Variants in ZBBX observed in about 807,000 individuals in gnomAD.
The protein encoded by ZBBX is zinc finger B-box domain containing, also known as zinc finger B-box domain-containing protein 1.
A neutral mutation model predicts 108.5 loss-of-function variants in ZBBX; 101 were observed. The observed-to-expected ratio is 0.93, with a 90% CI of 0.79 to 1.10. The LOEUF (loss-of-function observed/expected upper bound fraction) is 1.10. Ranked by LOEUF, ZBBX falls within the 50% of genes least tolerant of loss-of-function variation. The pLI is 0.00. For synonymous variants in ZBBX, 356 were observed against 323.4 expected (o/e 1.10, Z -1.08); for missense variants, 1,009 against 941.4 (o/e 1.07, Z -0.94).
chr3:167,321,591 T>A (rs1000509610), intron 12 of ZBBX, among the ~76,000 whole-genome samples: 3 of 151,912 alleles, frequency 2.0e-5, no homozygotes, highest in African/African-American at 7.3e-5. Flanking sequence ...TATTAGAAAT[T>A]CAGAAATACA....
rs976828040 is a variant in ZBBX, at chr3:167,272,100, G to A, written c.2254+10138C>T. On this transcript the variant is annotated intron_variant, in intron 20 of 21. Coordinates refer to ENST00000675490, the MANE Select transcript of ZBBX (RefSeq NM_001199201.2). ...TTTAAAAAATCACTTAACCAAATTA[G>A]TTCTAGAGACTCAGTTACCATGGAC... Among the ~76,000 whole-genome samples the A allele has an allele frequency of 2.6e-5, 4 of 152,276 alleles. No individual in the cohort carries two copies. The South Asian group carries it at 8.3e-4, about 32-fold the overall frequency.
At chr3:167,340,421 T>TA (rs1393140184) in intron 9 of ZBBX, among the ~76,000 whole-genome samples, 1 of 152,036 alleles carries the variant, frequency 6.6e-6, no homozygotes, top group Non-Finnish European at 1.5e-5. Flanking sequence ...AATTTTCATA[T>TA]AAAAAATACA....
chr3:167,370,373 A>G (rs1745978012), intron 4 of ZBBX, among the ~76,000 whole-genome samples: 1 of 152,190 alleles, frequency 6.6e-6, no homozygotes, highest in South Asian at 2.1e-4. Context: ...CAGGAGGACA[A>G]TGGTGTCTTT....
At chr3:167,248,291 C>T (rs1021067703) in intron 20 of ZBBX, among the ~76,000 whole-genome samples, 1 of 152,198 alleles carries the variant, frequency 6.6e-6, no homozygotes, top group Non-Finnish European at 1.5e-5. Context: ...GCTTCTCACC[C>T]ACCACGCTAA....
At chr3:167,277,392 G>A (rs563264547) in intron 20 of ZBBX, among the ~76,000 whole-genome samples, 110 of 152,168 alleles carry the variant, frequency 7.2e-4, no homozygotes, top group African/African-American at 2.5e-3. Context: ...CAAAATAAAA[G>A]GATAGAGGAA....
chr3:167,361,661 C>T (rs542451418), intron 6 of ZBBX, among the ~76,000 whole-genome samples: 2 of 152,238 alleles, frequency 1.3e-5, no homozygotes, highest in Admixed American at 6.5e-5. Context: ...TGCTCAGATG[C>T]TATGTACTAA....
Position 167,338,541 on chromosome 3 carries a change from C to CAA in ZBBX, c.529-4558_529-4557dup, listed in dbSNP as rs11438860. On this transcript the variant is annotated intron_variant, in intron 9 of 21. Transcript: ENST00000675490. ...CTTAAGTGATCCAGAAGTTCCAGATCAAAAAAAAAAAAGTTCACACATAGT... is the reference window on the plus strand; with the variant it reads ...CTTAAGTGATCCAGAAGTTCCAGATCAAAAAAAAAAAAAAGTTCACACATAGT... Among the ~76,000 whole-genome samples, 1,281 of 148,322 alleles carry CAA rather than the reference C, an allele frequency of 8.6e-3. 11 individuals carry two copies. Among genetic ancestry groups the CAA allele is most frequent in the African/African-American group, 0.028 (1,141 of 40,582 alleles).
chr3:167,268,400 G>A (rs1214016556), intron 20 of ZBBX, among the ~76,000 whole-genome samples: 3 of 151,964 alleles, frequency 2.0e-5, no homozygotes, highest in Non-Finnish European at 2.9e-5. Flanking sequence ...CAGTCAAGAC[G>A]TTCCTACCGC....
chr3:167,195,626 G>T, the ZBBX span, among the ~76,000 whole-genome samples: 1 of 152,074 alleles, frequency 6.6e-6, no homozygotes, highest in Admixed American at 6.5e-5. Context: ...CACACCATCT[G>T]CTCTAACTTT....
At chr3:167,235,338 C>T (rs1560007238), downstream of ZBBX, among the ~76,000 whole-genome samples, 2 of 151,366 alleles carry the variant, frequency 1.3e-5, no homozygotes, top group Non-Finnish European at 3.0e-5. Context: ...AAATGTTATC[C>T]TATAAAAATT....
chr3:167,297,921 A>G (rs2108175472), intron 18 of ZBBX, among the ~76,000 whole-genome samples: 1 of 152,150 alleles, frequency 6.6e-6, no homozygotes, highest in African/African-American at 2.4e-5. Context: ...AATATGTAAT[A>G]ATCGGAACAT....
intron 20 of ZBBX, among the ~76,000 whole-genome samples, chr3:167,279,190 C>T (rs935211433): frequency 6.6e-6 from 1 of 152,092 alleles, no homozygotes. Context: ...AAAACTGGCA[C>T]AAGACAGGGA....
chr3:167,221,198 T>A, the ZBBX span, among the ~76,000 whole-genome samples: 2,030 of 151,790 alleles, frequency 0.013, 22 homozygotes, highest in South Asian at 0.026. Context: ...TTCACAGAAA[T>A]AGAAAAATGA....
Position 167,315,248 on chromosome 3 carries a change from G to A in ZBBX, c.1274+502C>T, listed in dbSNP as rs115898327. On this transcript the variant is annotated intron_variant, in intron 15 of 21. Transcript: ENST00000675490. Reference sequence around the variant, plus strand: ...TTTGGAAATGAGAAAATTCTACAACGCAATTACAAAGTGAACCATTATACT... The same window carrying A: ...TTTGGAAATGAGAAAATTCTACAACACAATTACAAAGTGAACCATTATACT... Among the ~76,000 whole-genome samples the A allele has an allele frequency of 6.9e-3, 1,055 of 152,184 alleles. 8 individuals are homozygous for A. The highest frequency in any genetic ancestry group is 0.025 in the African/African-American group (1,021 of 41,534).
intron 19 of ZBBX, 83 bp downstream of exon 19, chr3:167,288,784 G>T: frequency 1.5e-6 from 1 of 662,834 alleles, no homozygotes; most frequent in East Asian, 3.3e-5. Context: ...TAAATTGCAG[G>T]TGCCTACTAA....
chr3:167,303,923 T>C (rs901022941), intron 17 of ZBBX, among the ~76,000 whole-genome samples: 1 of 152,222 alleles, frequency 6.6e-6, no homozygotes, highest in Non-Finnish European at 1.5e-5. Context: ...TAACTCTTCA[T>C]ATGTCTTTGC....
chr3:167,362,438 A>G (rs1215749131), intron 6 of ZBBX, among the ~76,000 whole-genome samples: 1 of 151,898 alleles, frequency 6.6e-6, no homozygotes, highest in Non-Finnish European at 1.5e-5. Context: ...AACTCCCACC[A>G]ATGCCTTCAT....
chr3:167,360,518 C>A (rs1045937530), intron 7 of ZBBX, among the ~76,000 whole-genome samples, 157 bp downstream of exon 7: 10 of 151,788 alleles, frequency 6.6e-5, no homozygotes, highest in African/African-American at 2.2e-4. Flanking sequence ...CCTAACCACC[C>A]GAATAAAATT....
chr3:167,367,251 C>G (rs544573961), intron 5 of ZBBX, among the ~76,000 whole-genome samples: 1 of 151,902 alleles, frequency 6.6e-6, no homozygotes, highest in African/African-American at 2.4e-5. Flanking sequence ...AAGACAATTT[C>G]TCAATGTCTA....
Sources: allele counts gnomAD v4.1 joint callset (sites outside exome capture counted in the v4.1 genomes callset), GRCh38; gene constraint gnomAD v4.1.1; transcripts MANE v1.5; gene names NCBI Gene and HGNC (gene_info 2026-07-23, HGNC 2026-07-21).